The following FOXP2 variants were observed in gnomAD, a reference collection of about 807,000 sequenced individuals.
The protein encoded by FOXP2 is forkhead box P2.
A neutral mutation model predicts 115.8 loss-of-function variants in FOXP2; 12 were observed. The observed-to-expected ratio is 0.10, with a 90% CI of 0.07 to 0.17. The LOEUF is 0.17. FOXP2 is among the 10% of genes least tolerant of loss of function. The pLI is 1.00. For synonymous variants in FOXP2, 328 were observed against 297.7 expected, an observed-to-expected ratio of 1.10 and a Z score of -1.05; for missense variants, 629 against 843.5, an observed-to-expected ratio of 0.75 and a Z score of 3.15.
rs184382626 is a variant in FOXP2, at chr7:114,243,405, T to C, written c.-101-44614T>C. ...AGTTTGAAATAAGAGCCCAGGTTGA[T>C]TGCCCTGAACATCTTTGTATGTCTT... On this transcript the variant is annotated intron_variant, in intron 1 of 17. Coordinates refer to the FOXP2 transcript ENST00000634411. 7.4e-3 allele frequency among the ~76,000 whole-genome samples: 1,124 copies of C among 152,260 alleles called. 4 individuals carry two copies. Among genetic ancestry groups the C allele is most frequent in the Non-Finnish European group, 0.012 (822 of 68,014 alleles).
chr7:114,426,728 T>C, intron 2 of FOXP2, 49 bp downstream of exon 2: 1 of 1,581,616 alleles, frequency 6.3e-7, no homozygotes, highest in Non-Finnish European at 8.7e-7. Flanking sequence ...AAGCTTGTTT[T>C]ATTGAATATG....
At chr7:114,274,332 A>T (rs1028732539) in intron 1 of FOXP2, among the ~76,000 whole-genome samples, 4 of 152,128 alleles carry the variant, frequency 2.6e-5, no homozygotes, top group Admixed American at 1.3e-4. Flanking sequence ...GAACTGTTAT[A>T]TGTTAGATCA....
At chr7:114,667,101 A>T (rs926741042) in intron 16 of FOXP2, 4 of 152,004 alleles carry the variant, frequency 2.6e-5, no homozygotes, top group African/African-American at 9.7e-5. Context: ...TTCTCTTATA[A>T]TTCATAAAGT....
chr7:114,096,591 G>C (rs1799656772), intron 1 of FOXP2, among the ~76,000 whole-genome samples: 1 of 152,018 alleles, frequency 6.6e-6, no homozygotes, highest in Admixed American at 6.6e-5. Flanking sequence ...CTTCCTAATT[G>C]TGTCCTGAAA....
intron 3 of FOXP2, among the ~76,000 whole-genome samples, chr7:114,535,570 GT>G (rs990427131): frequency 6.6e-6 from 1 of 151,436 alleles, no homozygotes; most frequent in African/African-American, 2.4e-5. Flanking sequence ...CCAGCTGTCT[GT>G]TTTTATTTTC....
chr7:114,500,370 G>A (rs767011137), intron 2 of FOXP2, among the ~76,000 whole-genome samples: 14 of 151,960 alleles, frequency 9.2e-5, no homozygotes, highest in Non-Finnish European at 1.8e-4. Context: ...TAACCTAGAT[G>A]TCTAAGTACT....
At chr7:114,121,922 A>C (rs1037582682) in intron 1 of FOXP2, among the ~76,000 whole-genome samples, 1 of 152,122 alleles carries the variant, frequency 6.6e-6, no homozygotes, top group Non-Finnish European at 1.5e-5. Flanking sequence ...TCAGGTAGTA[A>C]GTACCTATTT....
chr7:114,394,469 G>A (rs1792691398), intron 2 of FOXP2, among the ~76,000 whole-genome samples: 1 of 151,392 alleles, frequency 6.6e-6, no homozygotes, highest in African/African-American at 2.4e-5. Flanking sequence ...GTTCAGTGAG[G>A]AATCGGATAC....
At chr7:114,679,184 C>T (rs1253863469) in intron 16 of FOXP2, among the ~76,000 whole-genome samples, 4 of 152,034 alleles carry the variant, frequency 2.6e-5, no homozygotes, top group South Asian at 2.1e-4. Context: ...AGGCTGGTCT[C>T]GAATTCCTGA....
At chr7:114,480,014 G>A (rs1236979692) in intron 2 of FOXP2, among the ~76,000 whole-genome samples, 1 of 151,366 alleles carries the variant, frequency 6.6e-6, no homozygotes, top group Admixed American at 6.6e-5. Context: ...ATTTGCCACA[G>A]AGTAATTTCT....
At chr7:114,341,185 C>T (rs977331199) in intron 2 of FOXP2, among the ~76,000 whole-genome samples, 6 of 151,006 alleles carry the variant, frequency 4.0e-5, no homozygotes, top group African/African-American at 1.5e-4. Flanking sequence ...ATGTCAGGAT[C>T]CTCAGAACTA....
intron 2 of FOXP2, among the ~76,000 whole-genome samples, chr7:114,354,052 A>T (rs2129186363): frequency 6.6e-6 from 1 of 152,284 alleles, no homozygotes; most frequent in East Asian, 1.9e-4. Context: ...AGTAAAGAAG[A>T]TCTATACTCA....
At chr7:114,580,118 A>C (rs996715929) in intron 3 of FOXP2, among the ~76,000 whole-genome samples, 1 of 152,238 alleles carries the variant, frequency 6.6e-6, no homozygotes, top group Non-Finnish European at 1.5e-5. Context: ...AAGTGGATGT[A>C]ACATAACTAG....
At chr7:114,319,094 T>C (rs929466878) in intron 2 of FOXP2, among the ~76,000 whole-genome samples, 21 of 151,106 alleles carry the variant, frequency 1.4e-4, no homozygotes, top group Non-Finnish European at 2.8e-4. Flanking sequence ...TTAGTGGACC[T>C]TGCTTGGGCT....
At chr7:114,499,036 C>G (rs1196064837) in intron 2 of FOXP2, 5 of 636,412 alleles carry the variant, frequency 7.9e-6, no homozygotes, top group Non-Finnish European at 1.4e-5. Context: ...TCTCAGGCCA[C>G]TCCCTAGACC....
intron 16 of FOXP2, among the ~76,000 whole-genome samples, chr7:114,686,178 T>C (rs1335230250): frequency 6.9e-6 from 1 of 144,650 alleles, no homozygotes; most frequent in Non-Finnish European, 1.5e-5. Flanking sequence ...ATAATACTTC[T>C]TTTTTTTTTT....
At chr7:114,570,721 A>ATT (rs937543288) in intron 3 of FOXP2, 28 of 1,026,288 alleles carry the variant, frequency 2.7e-5, no homozygotes, top group Non-Finnish European at 3.7e-5. Flanking sequence ...CCAAAAAATG[A>ATT]TTTTTAAAAA....
chr7:114,289,043 T>C (rs1796532230), intron 2 of FOXP2, among the ~76,000 whole-genome samples: 1 of 151,866 alleles, frequency 6.6e-6, no homozygotes, highest in South Asian at 2.1e-4. Flanking sequence ...TCTCTCAAGA[T>C]ACACTTCGTA....
rs113504372 is a variant in FOXP2 at position 114,176,496 on chromosome 7, C to T, written c.-102+13408C>T. Among the ~76,000 whole-genome samples, 1,428 of 151,488 alleles carry T rather than the reference C, an allele frequency of 9.4e-3. 32 individuals carry two copies. Among genetic ancestry groups the T allele is most frequent in the African/African-American group, 0.033 (1,352 of 41,222 alleles). On this transcript the variant is annotated intron_variant, in intron 1 of 17. Transcript: ENST00000634411. ...CTGGGACTACAGGCGCGCACCACCA[C>T]GCCCGGCTAATTTTTGTATTTTTTT...
Sources: gnomAD v4.1 joint callset for allele counts (sites outside exome capture counted in the v4.1 genomes callset) on GRCh38, gnomAD v4.1.1 for gene constraint, MANE v1.5 for transcripts, NCBI Gene and HGNC (gene_info 2026-07-23, HGNC 2026-07-21) for gene names.